Variants in CNTN5 observed in about 807,000 individuals in gnomAD.
CNTN5 encodes contactin 5.
CNTN5 carries 77 observed loss-of-function variants against 129.1 expected under a neutral mutation model. The ratio of observed to expected loss-of-function variants is 0.60; its 90% CI spans 0.50 to 0.72. The LOEUF (loss-of-function observed/expected upper bound fraction) is 0.72, where lower values mean the gene tolerates loss of function less well. CNTN5 is among the 30% of genes least tolerant of loss of function. CNTN5 has a pLI of 0.00. For missense variants in CNTN5, 1,478 were observed against 1,328.8 expected, an observed-to-expected ratio of 1.11 and a Z score of -1.75; for synonymous variants, 509 against 465.6, an observed-to-expected ratio of 1.09 and a Z score of -1.20.
intron 8 of CNTN5, among the ~76,000 whole-genome samples, chr11:99,992,844 G>T (rs1325092170): frequency 6.6e-6 from 1 of 152,188 alleles, no homozygotes; most frequent in Non-Finnish European, 1.5e-5. Context: ...TGAGAAATTA[G>T]GGTAATTTAA....
chr11:100,040,184 A>G (rs1253046803), intron 9 of CNTN5, among the ~76,000 whole-genome samples: 2 of 151,952 alleles, frequency 1.3e-5, no homozygotes, highest in Non-Finnish European at 2.9e-5. Context: ...TTTTCCTTCT[A>G]ACAGACAGGA....
chr11:99,550,690 A>G (rs1399576743), intron 2 of CNTN5, among the ~76,000 whole-genome samples: 1 of 152,186 alleles, frequency 6.6e-6, no homozygotes, highest in Non-Finnish European at 1.5e-5. Flanking sequence ...TACTGTTCTA[A>G]TTTCACAGAA....
chr11:99,989,958 G>C (rs1242921815), intron 8 of CNTN5, among the ~76,000 whole-genome samples: 2 of 152,042 alleles, frequency 1.3e-5, no homozygotes, highest in Admixed American at 1.3e-4. Flanking sequence ...GTAGAGACGG[G>C]GTTTCACCGT....
At chr11:100,212,599 C>T (rs1215646595) in intron 15 of CNTN5, among the ~76,000 whole-genome samples, 9 of 152,106 alleles carry the variant, frequency 5.9e-5, no homozygotes, top group South Asian at 2.1e-4. Context: ...TGTGTAGGCC[C>T]AACTTTGTTT....
intron 1 of CNTN5, among the ~76,000 whole-genome samples, chr11:99,145,627 C>T (rs1400305049): frequency 3.3e-5 from 5 of 151,996 alleles, no homozygotes; most frequent in Admixed American, 6.6e-5. Flanking sequence ...TTTAGAGTAT[C>T]TTATTTTATT....
At chr11:100,268,818 GGAGT>G (rs747040060) in intron 17 of CNTN5, among the ~76,000 whole-genome samples, 24 of 152,080 alleles carry the variant, frequency 1.6e-4, no homozygotes, top group Admixed American at 3.9e-4. Flanking sequence ...GAGAAAGAAA[GGAGT>G]CCAGGACGGC....
At chr11:100,211,915 G>A (rs1330126079) in intron 15 of CNTN5, among the ~76,000 whole-genome samples, 1 of 152,062 alleles carries the variant, frequency 6.6e-6, no homozygotes, top group East Asian at 1.9e-4. Context: ...GTTTTCATAT[G>A]TCCCTTCAAG....
intron 23 of CNTN5, among the ~76,000 whole-genome samples, chr11:100,347,013 G>A (rs1415266098): frequency 6.6e-6 from 1 of 152,098 alleles, no homozygotes; most frequent in East Asian, 1.9e-4. Context: ...AATAGCACGG[G>A]AAAGACCTGT....
intron 4 of CNTN5, among the ~76,000 whole-genome samples, chr11:99,828,642 T>C (rs1947043520): frequency 6.6e-6 from 1 of 152,180 alleles, no homozygotes; most frequent in Admixed American, 6.5e-5. Context: ...GAATATGAAA[T>C]AGTTTTTGTT....
intron 6 of CNTN5, among the ~76,000 whole-genome samples, chr11:99,867,298 A>G (rs148680257): frequency 6.6e-6 from 1 of 152,314 alleles, no homozygotes; most frequent in Non-Finnish European, 1.5e-5. Flanking sequence ...TTTATTGAGT[A>G]CCTACTATGC....
chr11:99,744,717 C>T (rs369135190), intron 3 of CNTN5, among the ~76,000 whole-genome samples: 1 of 106,214 alleles, frequency 9.4e-6, no homozygotes, highest in Non-Finnish European at 1.9e-5. Flanking sequence ...AAGACCCTGT[C>T]TCAGAAAAAA....
chr11:99,159,300 G>T (rs1225060570), intron 1 of CNTN5, among the ~76,000 whole-genome samples: 1 of 152,112 alleles, frequency 6.6e-6, no homozygotes, highest in Non-Finnish European at 1.5e-5. Context: ...TTCAAAAGGG[G>T]CAGGCAACAT....
chr11:100,122,099 C>A (rs1946044141), intron 13 of CNTN5, among the ~76,000 whole-genome samples: 1 of 151,960 alleles, frequency 6.6e-6, no homozygotes, highest in African/African-American at 2.4e-5. Context: ...TATCTGCAAG[C>A]TGGAGACCCT....
intron 4 of CNTN5, among the ~76,000 whole-genome samples, chr11:99,839,390 A>G (rs1178487639): frequency 1.3e-5 from 2 of 152,146 alleles, no homozygotes; most frequent in Admixed American, 6.6e-5. Flanking sequence ...CAGTGAAATA[A>G]GAACTACTAT....
At chr11:99,420,586 G>A (rs1341371043) in intron 2 of CNTN5, among the ~76,000 whole-genome samples, 1 of 152,068 alleles carries the variant, frequency 6.6e-6, no homozygotes, top group Non-Finnish European at 1.5e-5. Flanking sequence ...CTAATTGTCA[G>A]AATCCTAGTC....
At chr11:99,412,235 T>C (rs1942429589) in intron 2 of CNTN5, among the ~76,000 whole-genome samples, 1 of 152,188 alleles carries the variant, frequency 6.6e-6, no homozygotes, top group Admixed American at 6.5e-5. Context: ...AGTAAGATAC[T>C]GTACTGTACA....
intron 1 of CNTN5, among the ~76,000 whole-genome samples, chr11:99,176,344 C>T (rs1471612012): frequency 6.6e-6 from 1 of 152,044 alleles, no homozygotes; most frequent in Admixed American, 6.6e-5. Context: ...CATAGAATAC[C>T]ATCATGGATG....
intron 2 of CNTN5, among the ~76,000 whole-genome samples, chr11:99,461,947 C>T (rs1367039270): frequency 1.3e-5 from 2 of 152,004 alleles, no homozygotes; most frequent in African/African-American, 4.8e-5. Context: ...TAAATTGATG[C>T]CTAAAACTTC....
chr11:99,630,189 T>C (rs1306099599), intron 3 of CNTN5, among the ~76,000 whole-genome samples: 3 of 151,768 alleles, frequency 2.0e-5, no homozygotes, highest in Non-Finnish European at 2.9e-5. Flanking sequence ...TGCAAAAATA[T>C]TTGGTTTTAA....
Sources: gnomAD v4.1 joint callset for allele counts (sites outside exome capture counted in the v4.1 genomes callset) on GRCh38, gnomAD v4.1.1 for gene constraint, MANE v1.5 for transcripts, NCBI Gene and HGNC (gene_info 2026-07-23, HGNC 2026-07-21) for gene names.